Variants in AGAP1 observed in about 807,000 individuals in gnomAD.
The protein encoded by AGAP1 is ArfGAP with GTPase domain, ankyrin repeat and PH domain 1, also known as arf-GAP with GTPase, ANK repeat and PH domain-containing protein 1.
A neutral mutation model predicts 105.3 loss-of-function variants in AGAP1; 29 were observed. The observed-to-expected ratio is 0.28, with a 90% CI of 0.21 to 0.38. AGAP1 has a LOEUF of 0.38. AGAP1 is among the 10% of genes least tolerant of loss of function. AGAP1 has a pLI of 1.00. For synonymous variants in AGAP1, 509 were observed against 485.9 expected (o/e 1.05, Z -0.63); for missense variants, 998 against 1,165.1 (o/e 0.86, Z 2.09).
Position 235,747,033 on chromosome 2 carries a change from G to A in AGAP1, c.538+2194G>A, listed in dbSNP as rs2149691573. On this transcript the variant is annotated intron_variant, in intron 5 of 17. Transcript: ENST00000304032. This position sits in a 1 kb window ranked among gnomAD's most constrained non-coding sequence, Gnocchi z 5.0. The stretch of plus-strand genomic sequence containing the variant: ...CCTGGGACTTTGGTGGGGTTCAACA[G>A]GAATTCCCAGAAGACACTCAGTGCA... Among the ~76,000 whole-genome samples, 1 of 152,242 alleles carries A rather than the reference G, an allele frequency of 6.6e-6. No individual in the cohort carries two copies. Among genetic ancestry groups the A allele is most frequent in the Non-Finnish European group, 1.5e-5 (1 of 68,026 alleles).
intron 1 of AGAP1, among the ~76,000 whole-genome samples, chr2:235,502,911 G>T (rs1011251963): frequency 6.7e-6 from 1 of 150,302 alleles, no homozygotes; most frequent in Non-Finnish European, 1.5e-5. Flanking sequence ...TAGTCTGAAA[G>T]GCAGAACCGT....
In AGAP1 at chr2:235,830,340, A is replaced by G. The variant is rs1001151598; in HGVS notation, c.1050+23009A>G. 1.3e-5 allele frequency among the ~76,000 whole-genome samples: 2 copies of G among 152,194 alleles called. No homozygotes were observed. The highest frequency in any genetic ancestry group is 2.4e-5 in the African/African-American group (1 of 41,446). The stretch of plus-strand genomic sequence containing the variant: ...TTTGTCTTCATATTTTGCTCATGTC[A>G]GTGAGGAGATAGATGTGTGCTGTCA... On this transcript the variant is annotated intron_variant, in intron 9 of 17. Coordinates refer to ENST00000304032, the MANE Select transcript of AGAP1 (RefSeq NM_001037131.3). This position sits in a 1 kb window ranked among gnomAD's most constrained non-coding sequence, Gnocchi z 5.5.
intron 1 of AGAP1, among the ~76,000 whole-genome samples, chr2:235,584,233 A>C (rs954364473): frequency 4.0e-5 from 6 of 151,062 alleles, no homozygotes; most frequent in Non-Finnish European, 8.8e-5. Flanking sequence ...TGAAGAAAGA[A>C]GGCCTTGGGA....
At position 235,620,776 on chromosome 2, in the gene AGAP1, G is replaced by T. The variant is rs1184517829; in HGVS notation, c.164-88403G>T. ...CCTAGCCAATGCTAGGCCCTTTGTC[G>T]ATGTTCGTTAGGCATGCAGGTGAAC... On this transcript the variant is annotated intron_variant, in intron 1 of 17. Transcript: ENST00000304032. The surrounding 1 kb of genome is among the most constrained non-coding windows in gnomAD (Gnocchi z 4.5). Among the ~76,000 whole-genome samples, 2 of 152,220 alleles carry T rather than the reference G, an allele frequency of 1.3e-5. No individual in the cohort carries two copies. Among genetic ancestry groups the T allele is most frequent in the Non-Finnish European group, 1.5e-5 (1 of 68,054 alleles).
chr2:235,921,587 C>T (rs932040114), intron 11 of AGAP1, among the ~76,000 whole-genome samples: 1 of 152,098 alleles, frequency 6.6e-6, no homozygotes, highest in Non-Finnish European at 1.5e-5. Flanking sequence ...ATGTGGAATC[C>T]TAAGCCTGGC....
rs955875487 is a variant in AGAP1, at chr2:236,096,455, C to T, written c.2115-23737C>T. On this transcript the variant is annotated intron_variant, in intron 16 of 17. Coordinates refer to ENST00000304032, the MANE Select transcript of AGAP1 (RefSeq NM_001037131.3). This position sits in a 1 kb window ranked among gnomAD's most constrained non-coding sequence, Gnocchi z 4.4. ...GGCAGAGGTTGCAGTGAGCCAAGAT[C>T]GCACCACTGCACTCCAGCCTTGGGG... is the stretch of plus-strand genomic sequence containing the variant. 4.0e-5 allele frequency among the ~76,000 whole-genome samples: 6 copies of T among 150,990 alleles called. No individual in the cohort carries two copies. Among genetic ancestry groups the T allele is most frequent in the Middle Eastern group, 3.4e-3 (1 of 294 alleles).
In AGAP1 at chr2:235,973,444, A is replaced by G. The variant is rs183232683; in HGVS notation, c.1645+4821A>G. ...CCGTCGCTAGGCTCTTATGTCACAG[A>G]TGGGCTGCTGTGCTGCGTGGTCATT... On this transcript the variant is annotated intron_variant, in intron 13 of 17. Transcript: ENST00000304032. This position sits in a 1 kb window ranked among gnomAD's most constrained non-coding sequence, Gnocchi z 4.7. Among the ~76,000 whole-genome samples, 447 of 152,286 alleles carry G rather than the reference A, an allele frequency of 2.9e-3. 1 individual carries two copies. Among genetic ancestry groups the G allele is most frequent in the Non-Finnish European group, 4.9e-3 (332 of 68,024 alleles).
intron 13 of AGAP1, among the ~76,000 whole-genome samples, chr2:236,034,883 G>T (rs368369719): frequency 7.2e-5 from 11 of 152,210 alleles, no homozygotes; most frequent in Admixed American, 2.6e-4. Flanking sequence ...CTCTGGCTGG[G>T]TGCTGTCCCC....
chr2:236,110,983 A>G (rs2059625344), intron 16 of AGAP1, among the ~76,000 whole-genome samples: 1 of 152,186 alleles, frequency 6.6e-6, no homozygotes, highest in South Asian at 2.1e-4. Context: ...CTCACGTGAT[A>G]GAAGAGGCAA....
rs957546075 is a variant in AGAP1, at chr2:235,608,253, A to G, written c.164-100926A>G. ...TTGCAGGGAAAGTGTGTTGGCAAAC[A>G]TGCTGGATACTGTCAGAATCAGAGC... On this transcript the variant is annotated intron_variant, in intron 1 of 17. Coordinates refer to ENST00000304032, the MANE Select transcript of AGAP1 (RefSeq NM_001037131.3). The surrounding 1 kb of genome is among the most constrained non-coding windows in gnomAD (Gnocchi z 5.4). Among the ~76,000 whole-genome samples the G allele has an allele frequency of 1.3e-5, 2 of 152,196 alleles. No individual in the cohort carries two copies. The highest frequency in any genetic ancestry group is 4.8e-5 in the African/African-American group (2 of 41,448).
At position 235,964,243 on chromosome 2, in the gene AGAP1, C is replaced by T. The variant is rs529685582; in HGVS notation, c.1484-4219C>T. On this transcript the variant is annotated intron_variant, in intron 12 of 17. Transcript: ENST00000304032. The surrounding 1 kb of genome is among the most constrained non-coding windows in gnomAD (Gnocchi z 4.6). ...AACATGGCCTGTCGAAATGAGAGGA[C>T]ACCCAAGGGACAGAGTAAAATAATA... 8.5e-5 allele frequency among the ~76,000 whole-genome samples: 13 copies of T among 152,240 alleles called. No homozygotes were observed. Among genetic ancestry groups the T allele is most frequent in the African/African-American group, 2.6e-4 (11 of 41,526 alleles).
rs895618512 is a variant in AGAP1 at position 235,631,198 on chromosome 2, C to G, written c.164-77981C>G. On this transcript the variant is annotated intron_variant, in intron 1 of 17. Coordinates refer to ENST00000304032, the MANE Select transcript of AGAP1 (RefSeq NM_001037131.3). This position sits in a 1 kb window ranked among gnomAD's most constrained non-coding sequence, Gnocchi z 5.4. ...TCTGCAAATAAACACGTTGAAGAGCCTCCTTCCAGTGGGTAAATGGCAAAC... is the reference window on the plus strand; with the variant it reads ...TCTGCAAATAAACACGTTGAAGAGCGTCCTTCCAGTGGGTAAATGGCAAAC... 6.6e-6 allele frequency among the ~76,000 whole-genome samples: 1 copy of G among 152,160 alleles called. No homozygotes were observed.
chr2:235,683,837 A>G (rs1204135320), intron 1 of AGAP1, among the ~76,000 whole-genome samples: 2 of 151,090 alleles, frequency 1.3e-5, no homozygotes, highest in Admixed American at 1.3e-4. Context: ...TCCTAATGCC[A>G]TCCCTCCCAA....
intron 16 of AGAP1, among the ~76,000 whole-genome samples, chr2:236,115,596 A>C (rs2059751954): frequency 6.6e-6 from 1 of 152,160 alleles, no homozygotes; most frequent in South Asian, 2.1e-4. Context: ...GACATGCATT[A>C]GTTTGCTGAA....
chr2:235,611,608 G>GCCCTC lies in AGAP1; in HGVS notation c.164-97571_164-97570insCCCTC, dbSNP rs1946127617. Among the ~76,000 whole-genome samples the GCCCTC allele has an allele frequency of 6.6e-6, 1 of 152,158 alleles. No individual in the cohort carries two copies. The highest frequency in any genetic ancestry group is 6.5e-5 in the Admixed American group (1 of 15,282). On this transcript the variant is annotated intron_variant, in intron 1 of 17. Transcript: ENST00000304032. The surrounding 1 kb of genome is among the most constrained non-coding windows in gnomAD (Gnocchi z 5.0). Reference sequence around the variant, plus strand: ...AATTAGAGAATCCCTCTCCACATGTGTTCTCTGAACAGGGAGCCCAGGGAG... The same window carrying GCCCTC: ...AATTAGAGAATCCCTCTCCACATGTGCCCTCTTCTCTGAACAGGGAGCCCAGGGAG...
Position 235,993,107 on chromosome 2 carries a change from G to A in AGAP1, c.1645+24484G>A, listed in dbSNP as rs1289967057. ...GCAGAGATTCTAGCTAATACATGGAGTTGTGCTTCCTAAGTATTGATAGCG... is the reference window on the plus strand; with the variant it reads ...GCAGAGATTCTAGCTAATACATGGAATTGTGCTTCCTAAGTATTGATAGCG... On this transcript the variant is annotated intron_variant, in intron 13 of 17. Transcript: ENST00000304032. The surrounding 1 kb of genome is among the most constrained non-coding windows in gnomAD (Gnocchi z 5.0). Among the ~76,000 whole-genome samples, 1 of 152,220 alleles carries A rather than the reference G, an allele frequency of 6.6e-6. No individual in the cohort carries two copies. The highest frequency in any genetic ancestry group is 1.5e-5 in the Non-Finnish European group (1 of 68,054).
chr2:235,952,548 A>G (rs1049098295), intron 12 of AGAP1, among the ~76,000 whole-genome samples: 2 of 152,208 alleles, frequency 1.3e-5, no homozygotes, highest in African/African-American at 4.8e-5. Flanking sequence ...CTGTATCAGT[A>G]TAGAATTAGG....
In AGAP1 at chr2:236,113,089, C is replaced by T. The variant is rs993987170; in HGVS notation, c.2115-7103C>T. Among the ~76,000 whole-genome samples the T allele has an allele frequency of 1.3e-5, 2 of 152,238 alleles. No individual in the cohort carries two copies. Among genetic ancestry groups the T allele is most frequent in the African/African-American group, 2.4e-5 (1 of 41,464 alleles). The stretch of plus-strand genomic sequence containing the variant: ...TTTTTTCCCACGATTTCCCAAAATA[C>T]GGCCACCACTCTGCCGTCACGTGTG... On this transcript the variant is annotated intron_variant, in intron 16 of 17. Transcript: ENST00000304032. The surrounding 1 kb of genome is among the most constrained non-coding windows in gnomAD (Gnocchi z 4.3).
chr2:235,821,616 T>G (rs190010009), intron 9 of AGAP1, among the ~76,000 whole-genome samples: 18 of 152,292 alleles, frequency 1.2e-4, no homozygotes, highest in Admixed American at 9.1e-4. Flanking sequence ...CCATATACCC[T>G]TCACCCAGCT....
Sources: allele counts gnomAD v4.1 joint callset (sites outside exome capture counted in the v4.1 genomes callset), GRCh38; gene constraint gnomAD v4.1.1; non-coding constraint Gnocchi (gnomAD v3.1); transcripts MANE v1.5; gene names NCBI Gene and HGNC (gene_info 2026-07-23, HGNC 2026-07-21).